The following TGFBRAP1 variants were observed in gnomAD, a reference collection of about 807,000 sequenced individuals.
The protein encoded by TGFBRAP1 is transforming growth factor-beta receptor-associated protein 1.
TGFBRAP1 carries 20 observed loss-of-function variants against 83.2 expected under a neutral mutation model. That is an observed-to-expected ratio of 0.24 (90% CI 0.17 to 0.35). The LOEUF is 0.35. Ranked by LOEUF, TGFBRAP1 falls within the 10% of genes least tolerant of loss-of-function variation. TGFBRAP1 has a pLI of 1.00. For missense variants in TGFBRAP1, 950 were observed against 1,099.4 expected, an observed-to-expected ratio of 0.86 and a Z score of 1.92; for synonymous variants, 415 against 459.8, an observed-to-expected ratio of 0.90 and a Z score of 1.25.
Position 105,308,068 on chromosome 2 carries a change from G to A in TGFBRAP1, c.234C>T (p.Pro78=), listed in dbSNP as rs760318984. 19 of 1,613,678 alleles carry A rather than the reference G, an allele frequency of 1.2e-5. No homozygotes were observed. Among genetic ancestry groups the A allele is most frequent in the East Asian group, 4.5e-5 (2 of 44,852 alleles). ...CTGAGGCCGCACGCAGCTCGTTCACGGGCTTCTTGAAGCCCAAGTGTCTCT... is the reference window on the plus strand; with the variant it reads ...CTGAGGCCGCACGCAGCTCGTTCACAGGCTTCTTGAAGCCCAAGTGTCTCT... ...QLQRHLGFKK[P]VNELRAASAL... The change falls in exon 2 of 12, where the codon CCC becomes CCT. Residue 78 remains proline (P), a synonymous_variant. Transcript: ENST00000393359.
intron 1 of TGFBRAP1, among the ~76,000 whole-genome samples, chr2:105,308,538 A>T (rs1006075371): frequency 2.0e-5 from 3 of 152,138 alleles, no homozygotes; most frequent in Non-Finnish European, 4.4e-5. Flanking sequence ...ACACACACCC[A>T]TATACACATA....
chr2:105,270,161 T>G (rs1168744445), intron 10 of TGFBRAP1, among the ~76,000 whole-genome samples: 6 of 152,214 alleles, frequency 3.9e-5, no homozygotes, highest in Non-Finnish European at 8.8e-5. Context: ...GCTGAACCCC[T>G]TTATTCCAAT....
chr2:105,287,362 T>A (rs1294008300), intron 4 of TGFBRAP1, among the ~76,000 whole-genome samples: 1 of 152,146 alleles, frequency 6.6e-6, no homozygotes, highest in African/African-American at 2.4e-5. Flanking sequence ...AAAATTTATG[T>A]TATGTATATT....
intron 8 of TGFBRAP1, among the ~76,000 whole-genome samples, chr2:105,274,466 C>G (rs1368213318): frequency 6.6e-6 from 1 of 152,196 alleles, no homozygotes; most frequent in Non-Finnish European, 1.5e-5. Context: ...CCAGCTCTAC[C>G]AACTATAGCC....
intron 2 of TGFBRAP1, among the ~76,000 whole-genome samples, chr2:105,305,921 C>T (rs995787633): frequency 6.6e-6 from 1 of 152,170 alleles, no homozygotes; most frequent in Non-Finnish European, 1.5e-5. Context: ...TCCCAAAGTG[C>T]TGGGATTACA....
chr2:105,285,451 A>C (rs3792049), intron 4 of TGFBRAP1, among the ~76,000 whole-genome samples: 61,488 of 152,044 alleles, frequency 0.4, 13,250 homozygotes, highest in East Asian at 0.72. Context: ...ACGTTTTTAG[A>C]CCCAACTTAC....
chr2:105,267,742 T>C (rs964314301), intron 11 of TGFBRAP1, 183 bp from the exon 12 acceptor site: 1 of 985,360 alleles, frequency 1.0e-6, no homozygotes, highest in African/African-American at 1.7e-5. Flanking sequence ...CCTTAGTAAC[T>C]GGACAAGGAA....
chr2:105,267,125 G>A lies in TGFBRAP1; in HGVS notation c.*258C>T. 1 of 465,180 alleles carries A rather than the reference G, an allele frequency of 2.1e-6. No individual in the cohort carries two copies. The allele number at this position is 465,180 out of a possible 1,614,324, so 28.8% of individuals were successfully genotyped here. A position where few individuals can be genotyped will look rare whatever the true frequency, so the allele number is the denominator to read the frequency against. ...TCTTGGATTACTATGTACCTGGACA[G>A]GTGAACTCTTGTATGTTTCTGTTTT... On this transcript the variant is annotated 3_prime_UTR_variant, in exon 12 of 12. Coordinates refer to ENST00000393359, the MANE Select transcript of TGFBRAP1 (RefSeq NM_004257.6).
At position 105,280,527 on chromosome 2, in the gene TGFBRAP1, C is replaced by T; in HGVS notation, c.1318G>A (p.Val440Ile). The T allele has an allele frequency of 6.2e-7, 1 of 1,614,196 alleles. No homozygotes were observed. The highest frequency in any genetic ancestry group is 8.5e-7 in the Non-Finnish European group (1 of 1,180,038). The change falls in exon 6 of 12, where the codon GTA becomes ATA. Residue 440 changes from valine (V) to isoleucine (I), a missense_variant. Transcript: ENST00000393359. ...ATGTCCTCCTTGTAGCCATTTGCTA[C>T]CTCTGTGCTGCGGACCTCGTTCAGG... is the stretch of plus-strand genomic sequence containing the variant. ...SYLNEVRSTE[V>I]ANGYKEDIDT...
chr2:105,316,483 G>A (rs1268435908), intron 1 of TGFBRAP1, among the ~76,000 whole-genome samples: 6 of 80,396 alleles, frequency 7.5e-5, no homozygotes, highest in Admixed American at 1.5e-4. Context: ...GCGCGCGCAC[G>A]CGCACATAAC....
chr2:105,270,976 A>G (rs1387282239), intron 10 of TGFBRAP1, among the ~76,000 whole-genome samples: 1 of 152,274 alleles, frequency 6.6e-6, no homozygotes, highest in African/African-American at 2.4e-5. Context: ...GAAGGGATAC[A>G]AAATCAGTGT....
chr2:105,322,194 G>A (rs959910018), intron 1 of TGFBRAP1, among the ~76,000 whole-genome samples: 1 of 152,036 alleles, frequency 6.6e-6, no homozygotes, highest in Non-Finnish European at 1.5e-5. Context: ...AAAAAAGAAA[G>A]AAAAAACTTA....
intron 4 of TGFBRAP1, among the ~76,000 whole-genome samples, chr2:105,286,372 G>A (rs3792051): frequency 6.6e-6 from 1 of 152,132 alleles, no homozygotes; most frequent in African/African-American, 2.4e-5. Flanking sequence ...TGAAGGTGAC[G>A]GTCTCATTTC....
intron 4 of TGFBRAP1, among the ~76,000 whole-genome samples, chr2:105,288,792 T>C (rs575225363): frequency 4.6e-4 from 70 of 152,306 alleles, no homozygotes; most frequent in African/African-American, 1.6e-3. Context: ...AAAAAGGCAA[T>C]GTGTCCTGAT....
intron 4 of TGFBRAP1, among the ~76,000 whole-genome samples, chr2:105,286,306 C>A (rs1012645856): frequency 1.3e-5 from 2 of 152,148 alleles, no homozygotes; most frequent in Non-Finnish European, 2.9e-5. Flanking sequence ...CCGTCAGATT[C>A]CACCTAAAAA....
At chr2:105,299,942 T>A (rs1678226975) in intron 2 of TGFBRAP1, among the ~76,000 whole-genome samples, 1 of 152,144 alleles carries the variant, frequency 6.6e-6, no homozygotes. Context: ...GCCAAATAGG[T>A]GATAAAGTCT....
chr2:105,263,208 GC>G (rs1676831072), downstream of TGFBRAP1, among the ~76,000 whole-genome samples: 1 of 152,122 alleles, frequency 6.6e-6, no homozygotes, highest in African/African-American at 2.4e-5. Context: ...AAGTCTAAAG[GC>G]CCCCTCTTAC....
rs568219211 is a variant in TGFBRAP1, at chr2:105,316,645, C to T, written c.-17-8327G>A. On this transcript the variant is annotated intron_variant, in intron 1 of 11. Transcript: ENST00000393359. ...GCCTGGACAACATGGTGAAACCCGT[C>T]TCTACTAAAAATACAAAAATTAGCT... is the stretch of plus-strand genomic sequence containing the variant. 1.8e-3 allele frequency among the ~76,000 whole-genome samples: 276 copies of T among 151,850 alleles called. 2 individuals are homozygous for T. Among genetic ancestry groups the T allele is most frequent in the African/African-American group, 6.2e-3 (258 of 41,376 alleles).
intron 1 of TGFBRAP1, among the ~76,000 whole-genome samples, chr2:105,313,335 C>A (rs1397698079): frequency 6.6e-6 from 1 of 152,230 alleles, no homozygotes; most frequent in African/African-American, 2.4e-5. Flanking sequence ...CTTCTTTTCA[C>A]AGCACAAGGC....
Sources: gnomAD v4.1 joint callset for allele counts (sites outside exome capture counted in the v4.1 genomes callset) on GRCh38, gnomAD v4.1.1 for gene constraint, MANE v1.5 for transcripts, NCBI Gene and HGNC (gene_info 2026-07-23, HGNC 2026-07-21) for gene names.